FOXN3: variants seen among roughly 807,000 people sequenced by gnomAD.
FOXN3 encodes forkhead box N3, also known as forkhead box protein N3.
FOXN3 carries 7 observed loss-of-function variants against 38.4 expected under a neutral mutation model. That is an observed-to-expected ratio of 0.18 (90% confidence interval 0.10 to 0.34). The LOEUF is 0.34. FOXN3 is among the 10% of genes least tolerant of loss of function. The pLI is 1.00. For synonymous variants in FOXN3, 230 were observed against 242.2 expected (o/e 0.95, Z 0.47); for missense variants, 456 against 613.4 (o/e 0.74, Z 2.71).
chr14:89,240,726 T>C (rs1285828717), intron 4 of FOXN3, among the ~76,000 whole-genome samples: 1 of 152,256 alleles, frequency 6.6e-6, no homozygotes, highest in Non-Finnish European at 1.5e-5. Context: ...CTGTACTTCC[T>C]TGACAAGAGA....
rs113958307 is a variant in FOXN3, at chr14:89,160,186, T to C, written c.*2228A>G. ...TTCCCTCCACTTGGATGGAAGATCATATTCTTTTAGAGATTTCTCTTTGTA... is the reference window on the plus strand; with the variant it reads ...TTCCCTCCACTTGGATGGAAGATCACATTCTTTTAGAGATTTCTCTTTGTA... On this transcript the variant is annotated 3_prime_UTR_variant, in exon 6 of 6. Transcript: ENST00000557258. 4.6e-5 allele frequency: 7 copies of C among 151,840 alleles called. No homozygotes were observed. Among genetic ancestry groups the C allele is most frequent in the African/African-American group, 1.7e-4 (7 of 41,472 alleles). 9.4% of individuals were successfully genotyped at this position (151,840 alleles called of 1,614,324 possible). A position where few individuals can be genotyped will look rare whatever the true frequency, so the allele number is the denominator to read the frequency against.
chr14:89,555,882 G>GTGGGTGT (rs58769284), intron 1 of FOXN3, among the ~76,000 whole-genome samples: 13 of 104,664 alleles, frequency 1.2e-4, no homozygotes, highest in Middle Eastern at 4.7e-3. Flanking sequence ...TGTGTATGTG[G>GTGGGTGT]GGGTGTATGT....
rs893856261 is a variant in FOXN3 at position 89,323,859 on chromosome 14, T to C, written c.680+26813A>G. 1.3e-4 allele frequency among the ~76,000 whole-genome samples: 20 copies of C among 152,284 alleles called. No individual in the cohort carries two copies. The East Asian group carries it at 3.5e-3, about 26-fold the overall frequency. ...GGCAATTGGGGGTGGTGGTGAAGTGTAGATACTGGAACCATGCTGCTGGGT... is the reference window on the plus strand; with the variant it reads ...GGCAATTGGGGGTGGTGGTGAAGTGCAGATACTGGAACCATGCTGCTGGGT... On this transcript the variant is annotated intron_variant, in intron 3 of 5. Transcript: ENST00000557258.
At chr14:89,283,009 A>G (rs1392994726) in intron 3 of FOXN3, among the ~76,000 whole-genome samples, 3 of 152,116 alleles carry the variant, frequency 2.0e-5, no homozygotes, top group Non-Finnish European at 4.4e-5. Flanking sequence ...AGTAGTGGAG[A>G]GAGACTTGGA....
chr14:89,407,178 G>A (rs565845994), intron 2 of FOXN3, among the ~76,000 whole-genome samples: 23 of 152,258 alleles, frequency 1.5e-4, no homozygotes, highest in African/African-American at 5.1e-4. Context: ...AATAGAAGGA[G>A]AGAGAGAAGC....
intron 2 of FOXN3, among the ~76,000 whole-genome samples, chr14:89,377,423 GT>G (rs1429401428): frequency 6.6e-6 from 1 of 152,148 alleles, no homozygotes; most frequent in Non-Finnish European, 1.5e-5. Context: ...ACTTTCTTAG[GT>G]GTGACAATAG....
chr14:89,221,356 A>T (rs886638668), intron 4 of FOXN3, among the ~76,000 whole-genome samples: 7 of 152,340 alleles, frequency 4.6e-5, no homozygotes, highest in African/African-American at 1.7e-4. Flanking sequence ...GCAGAAAAGG[A>T]AATGCCATAC....
chr14:89,358,335 G>A (rs1472577775), intron 2 of FOXN3, among the ~76,000 whole-genome samples: 1 of 152,226 alleles, frequency 6.6e-6, no homozygotes, highest in Non-Finnish European at 1.5e-5. Context: ...AACCAGAGAA[G>A]GAGTTTTCAG....
intron 2 of FOXN3, among the ~76,000 whole-genome samples, chr14:89,396,605 G>A (rs548651083): frequency 6.6e-6 from 1 of 152,216 alleles, no homozygotes; most frequent in South Asian, 2.1e-4. Context: ...GAGGCGAGGC[G>A]GGTGGATCAC....
At chr14:89,467,236 G>T (rs887576690) in intron 1 of FOXN3, among the ~76,000 whole-genome samples, 1 of 152,142 alleles carries the variant, frequency 6.6e-6, no homozygotes, top group Non-Finnish European at 1.5e-5. Context: ...AGCAGAGACT[G>T]GTGTGATCCC....
chr14:89,292,818 T>G (rs1886917303), intron 3 of FOXN3, among the ~76,000 whole-genome samples: 1 of 152,168 alleles, frequency 6.6e-6, no homozygotes, highest in Non-Finnish European at 1.5e-5. Context: ...GCCCTTGATG[T>G]CACTCCAGCC....
At chr14:89,372,037 C>A (rs2140057033) in intron 2 of FOXN3, among the ~76,000 whole-genome samples, 1 of 152,248 alleles carries the variant, frequency 6.6e-6, no homozygotes, top group South Asian at 2.1e-4. Context: ...CCCACAGTTT[C>A]TTCTTTCTGA....
At chr14:89,453,415 C>T (rs1286543824) in intron 1 of FOXN3, among the ~76,000 whole-genome samples, 1 of 150,670 alleles carries the variant, frequency 6.6e-6, no homozygotes, top group African/African-American at 2.4e-5. Context: ...AAAAAATTAA[C>T]CGGGCGTGGT....
In FOXN3 at chr14:89,404,768, G is replaced by A. The variant is rs895609728; in HGVS notation, c.543+7166C>T. On this transcript the variant is annotated intron_variant, in intron 2 of 5. Coordinates refer to ENST00000557258, the MANE Select transcript of FOXN3 (RefSeq NM_005197.4). ...GTCTTCAGGGAGAGCCATTTCCGACGCTGGACAAGGCAGCCCCAGGTCGAG... is the reference window on the plus strand; with the variant it reads ...GTCTTCAGGGAGAGCCATTTCCGACACTGGACAAGGCAGCCCCAGGTCGAG... Among the ~76,000 whole-genome samples, 42 of 152,002 alleles carry A rather than the reference G, an allele frequency of 2.8e-4. 1 individual carries two copies. Among genetic ancestry groups the A allele is most frequent in the South Asian group, 2.1e-4 (1 of 4,822 alleles).
At position 89,161,422 on chromosome 14, in the gene FOXN3, T is replaced by G. The variant is rs1177972098; in HGVS notation, c.*992A>C. On this transcript the variant is annotated 3_prime_UTR_variant, in exon 6 of 6. Coordinates refer to ENST00000557258, the MANE Select transcript of FOXN3 (RefSeq NM_005197.4). ...TTTCACTTGGATCAAATAGTTTTGA[T>G]AGACAGAAAAAGATCTGTACCATTA... The G allele has an allele frequency of 1.3e-5, 2 of 151,542 alleles. No individual in the cohort carries two copies. Among genetic ancestry groups the G allele is most frequent in the African/African-American group, 4.9e-5 (2 of 41,234 alleles). 9.4% of individuals were successfully genotyped at this position (151,542 alleles called of 1,614,324 possible).
chr14:89,453,822 T>TG (rs1892667780), intron 1 of FOXN3, among the ~76,000 whole-genome samples: 1 of 152,226 alleles, frequency 6.6e-6, no homozygotes, highest in Admixed American at 6.5e-5. Flanking sequence ...CAATTCATCT[T>TG]GTTAGCATTC....
At chr14:89,237,698 C>T (rs1337584454) in intron 4 of FOXN3, among the ~76,000 whole-genome samples, 1 of 151,046 alleles carries the variant, frequency 6.6e-6, no homozygotes, top group Non-Finnish European at 1.5e-5. Context: ...GACCACCCCT[C>T]CCCCTAATTT....
chr14:89,414,267 A>G (rs1397739744), intron 1 of FOXN3, among the ~76,000 whole-genome samples: 1 of 149,834 alleles, frequency 6.7e-6, no homozygotes, highest in Non-Finnish European at 1.5e-5. Context: ...ACTGCACTCC[A>G]GCCTGGGCAA....
At chr14:89,603,860 C>T (rs527416443) in intron 1 of FOXN3, among the ~76,000 whole-genome samples, 1 of 152,152 alleles carries the variant, frequency 6.6e-6, no homozygotes, top group Non-Finnish European at 1.5e-5. Context: ...AACTTGGTGA[C>T]ATTTACAAAG....
Sources: gnomAD v4.1 joint callset for allele counts (sites outside exome capture counted in the v4.1 genomes callset) on GRCh38, gnomAD v4.1.1 for gene constraint, MANE v1.5 for transcripts, NCBI Gene and HGNC (gene_info 2026-07-23, HGNC 2026-07-21) for gene names.